RORB: variants seen among roughly 807,000 people sequenced by gnomAD.
RORB encodes the protein nuclear receptor ROR-beta.
Under a neutral mutation model 59.1 loss-of-function variants are expected in RORB, and 6 were observed. The ratio of observed to expected loss-of-function variants is 0.10; its 90% CI spans 0.06 to 0.20. The LOEUF (loss-of-function observed/expected upper bound fraction) is 0.20, where lower values mean the gene tolerates loss of function less well. Ranked by LOEUF, RORB falls within the 10% of genes least tolerant of loss-of-function variation. The pLI is 1.00. For missense variants in RORB, 320 were observed against 560.5 expected (o/e 0.57, Z 4.33); for synonymous variants, 215 against 204.5 (o/e 1.05, Z -0.44).
intron 1 of RORB, among the ~76,000 whole-genome samples, chr9:74,520,326 C>T (rs1052397158): frequency 2.0e-5 from 3 of 151,834 alleles, no homozygotes; most frequent in Non-Finnish European, 2.9e-5. Flanking sequence ...TTATGGATGG[C>T]TGTAGCAGTG....
chr9:74,669,810 T>C (rs1824321119), intron 8 of RORB, among the ~76,000 whole-genome samples: 1 of 152,192 alleles, frequency 6.6e-6, no homozygotes, highest in South Asian at 2.1e-4. Flanking sequence ...GAAATTAATC[T>C]TACCTGTGAT....
At chr9:74,534,772 G>T (rs748244516) in intron 1 of RORB, among the ~76,000 whole-genome samples, 1 of 152,054 alleles carries the variant, frequency 6.6e-6, no homozygotes, top group Non-Finnish European at 1.5e-5. Flanking sequence ...TTGACATAAT[G>T]ATCACAATAA....
intron 2 of RORB, among the ~76,000 whole-genome samples, chr9:74,631,525 T>A (rs1823618386): frequency 6.6e-6 from 1 of 152,204 alleles, no homozygotes; most frequent in East Asian, 1.9e-4. Context: ...ACACTGTAAC[T>A]GTCAAATACT....
Position 74,573,464 on chromosome 9 carries a change from TAAAA to T in RORB, c.8-56800_8-56797del, listed in dbSNP as rs5898361. ...CAACCAAAGGCTGAGCTTTTGTTAT[TAAAA>T]AAAAAAAAAAAAAAAAACTGGGCCT... On this transcript the variant is annotated intron_variant, in intron 1 of 9. Transcript: ENST00000376896. Among the ~76,000 whole-genome samples, 569 of 131,842 alleles carry T rather than the reference TAAAA, an allele frequency of 4.3e-3. 1 individual carries two copies. The highest frequency in any genetic ancestry group is 0.015 in the African/African-American group (531 of 35,644). 86.5% of individuals were successfully genotyped at this position (131,842 alleles called of 152,430 possible). A position where few individuals can be genotyped will look rare whatever the true frequency, so the allele number is the denominator to read the frequency against.
intron 1 of RORB, among the ~76,000 whole-genome samples, chr9:74,529,615 A>G (rs1340488603): frequency 1.3e-5 from 2 of 151,890 alleles, no homozygotes; most frequent in East Asian, 3.9e-4. Flanking sequence ...TAAAATATAA[A>G]TAGTATGTTT....
intron 1 of RORB, among the ~76,000 whole-genome samples, chr9:74,621,332 G>A (rs1429599857): frequency 6.6e-6 from 1 of 152,016 alleles, no homozygotes; most frequent in African/African-American, 2.4e-5. Flanking sequence ...TTTGCCCTTT[G>A]AAAAATATTA....
intron 1 of RORB, among the ~76,000 whole-genome samples, chr9:74,599,711 C>T (rs927346576): frequency 1.3e-5 from 2 of 152,192 alleles, no homozygotes; most frequent in African/African-American, 4.8e-5. Context: ...GGTTCAATGA[C>T]GTGCCCAAGG....
intron 1 of RORB, among the ~76,000 whole-genome samples, chr9:74,504,911 A>G (rs1279943807): frequency 6.6e-6 from 1 of 152,108 alleles, no homozygotes; most frequent in African/African-American, 2.4e-5. Context: ...CAACTGCCCA[A>G]TATAGAATTC....
chr9:74,504,041 T>G (rs920218826), intron 1 of RORB, among the ~76,000 whole-genome samples: 4 of 152,052 alleles, frequency 2.6e-5, no homozygotes, highest in Non-Finnish European at 1.5e-5. Context: ...GACAAAATTA[T>G]TGTATATTTC....
intron 1 of RORB, among the ~76,000 whole-genome samples, chr9:74,571,106 G>A (rs1822543907): frequency 6.6e-6 from 1 of 152,048 alleles, no homozygotes. Flanking sequence ...CAGTACTGTA[G>A]TTATTGGTGA....
At chr9:74,662,695 G>T in intron 6 of RORB, 89 bp downstream of exon 6, 1 of 1,377,420 alleles carries the variant, frequency 7.3e-7, no homozygotes, top group Non-Finnish European at 1.0e-6. Flanking sequence ...TCCTCCTTCC[G>T]ATATGCAGCT....
intron 1 of RORB, among the ~76,000 whole-genome samples, chr9:74,521,704 A>G (rs1312604416): frequency 6.6e-6 from 1 of 151,698 alleles, no homozygotes; most frequent in Non-Finnish European, 1.5e-5. Context: ...TCTACAGTTT[A>G]CTCCTGATCT....
intron 1 of RORB, among the ~76,000 whole-genome samples, chr9:74,611,649 G>T (rs1300686442): frequency 1.3e-5 from 2 of 151,978 alleles, no homozygotes; most frequent in Admixed American, 6.6e-5. Context: ...TGGTTTATTT[G>T]TTTGTTTGTT....
At chr9:74,502,486 CCT>C (rs1452375295) in intron 1 of RORB, among the ~76,000 whole-genome samples, 1 of 151,952 alleles carries the variant, frequency 6.6e-6, no homozygotes, top group African/African-American at 2.4e-5. Flanking sequence ...GGTTTTTAGA[CCT>C]CTCATTACAA....
At chr9:74,572,364 A>G (rs191755528) in intron 1 of RORB, among the ~76,000 whole-genome samples, 67 of 152,282 alleles carry the variant, frequency 4.4e-4, no homozygotes, top group South Asian at 1.7e-3. Flanking sequence ...ACATGTCCCA[A>G]AGAAAGCACA....
chr9:74,627,386 A>T (rs1823538198), intron 1 of RORB, among the ~76,000 whole-genome samples: 1 of 152,174 alleles, frequency 6.6e-6, no homozygotes, highest in Non-Finnish European at 1.5e-5. Context: ...ATTTTAAGTG[A>T]CTTATTTCTC....
chr9:74,630,592 C>A (rs970279547), intron 2 of RORB, among the ~76,000 whole-genome samples: 3 of 152,002 alleles, frequency 2.0e-5, no homozygotes, highest in Non-Finnish European at 4.4e-5. Flanking sequence ...AAAATGGATG[C>A]GTATTTAAAA....
At position 74,665,474 on chromosome 9, in the gene RORB, T is replaced by A; in HGVS notation, c.893-14T>A. 6.7e-7 allele frequency: 1 copy of A among 1,503,118 alleles called. No individual in the cohort carries two copies. Among genetic ancestry groups the A allele is most frequent in the Non-Finnish European group, 9.1e-7 (1 of 1,097,808 alleles). The allele number at this position is 1,503,118 out of a possible 1,614,324, so 93.1% of individuals were successfully genotyped here. A position where few individuals can be genotyped will look rare whatever the true frequency, so the allele number is the denominator to read the frequency against. On this transcript the variant is annotated splice_polypyrimidine_tract_variant and intron_variant, in intron 6 of 9. Coordinates refer to ENST00000376896, the MANE Select transcript of RORB (RefSeq NM_006914.4). ...TATTTTTATTTTATTTTTATTTTTATTTTTTACTCATAGGTTGCTTGGAAG... is the reference window on the plus strand; with the variant it reads ...TATTTTTATTTTATTTTTATTTTTAATTTTTACTCATAGGTTGCTTGGAAG...
chr9:74,511,169 A>G lies in RORB; in HGVS notation c.7+13186A>G, dbSNP rs548872851. ...TCACTGTGTATACTATTATATACTC[A>G]TGATGTATTCAATATACGTCACTGG... is the stretch of plus-strand genomic sequence containing the variant. On this transcript the variant is annotated intron_variant, in intron 1 of 9. Coordinates refer to ENST00000376896, the MANE Select transcript of RORB (RefSeq NM_006914.4). Among the ~76,000 whole-genome samples, 3 of 152,302 alleles carry G rather than the reference A, an allele frequency of 2.0e-5. No individual in the cohort carries two copies. In the East Asian group the frequency reaches 5.8e-4, roughly 29 times the overall value.
Sources: allele counts gnomAD v4.1 joint callset (sites outside exome capture counted in the v4.1 genomes callset), GRCh38; gene constraint gnomAD v4.1.1; transcripts MANE v1.5; gene names NCBI Gene and HGNC (gene_info 2026-07-23, HGNC 2026-07-21).